Variants in WDR70 observed in about 807,000 individuals in gnomAD.
The protein encoded by WDR70 is WD repeat domain 70.
A neutral mutation model predicts 88.6 loss-of-function variants in WDR70; 53 were observed. That is an observed-to-expected ratio of 0.60 (90% CI 0.48 to 0.75). WDR70 has a LOEUF of 0.75. WDR70 is among the 30% of genes least tolerant of loss of function. The pLI is 0.00. For synonymous variants in WDR70, 280 were observed against 270.0 expected, an observed-to-expected ratio of 1.04 and a Z score of -0.36; for missense variants, 610 against 823.2, an observed-to-expected ratio of 0.74 and a Z score of 3.17.
intron 5 of WDR70, among the ~76,000 whole-genome samples, chr5:37,436,699 T>A (rs1262180675): frequency 6.6e-6 from 1 of 152,080 alleles, no homozygotes; most frequent in Non-Finnish European, 1.5e-5. Flanking sequence ...AGCCATAGTT[T>A]GAAAAAGCGG....
intron 9 of WDR70, among the ~76,000 whole-genome samples, chr5:37,560,008 G>C (rs1390508200): frequency 6.6e-6 from 1 of 151,932 alleles, no homozygotes; most frequent in Non-Finnish European, 1.5e-5. Flanking sequence ...TATTGATTAT[G>C]CTAATAACTT....
chr5:37,605,073 G>A lies in WDR70; in HGVS notation c.927G>A (p.Arg309=), dbSNP rs1170902550. 1 of 1,608,984 alleles carries A rather than the reference G, an allele frequency of 6.2e-7. No homozygotes were observed. The highest frequency in any genetic ancestry group is 1.7e-5 in the Admixed American group (1 of 59,702). ...TCCTGATCATTTTTAGGACTGTGAG[G>A]ACGTGGGAAGTTGAAAATCCAAAGA... ...FMTCSNDATV[R]TWEVENPKKQ... is the part of the protein sequence containing the mutation. Residue 309 remains arginine (R), a synonymous_variant, in exon 10 of 18, where the codon AGG becomes AGA. Coordinates refer to ENST00000265107, the MANE Select transcript of WDR70 (RefSeq NM_018034.4).
At chr5:37,399,198 A>C (rs1749122319) in intron 5 of WDR70, among the ~76,000 whole-genome samples, 1 of 152,204 alleles carries the variant, frequency 6.6e-6, no homozygotes. Context: ...GAATGGCGTG[A>C]ACCTGGGAGG....
At chr5:37,395,290 G>A (rs1198473994) in intron 4 of WDR70, among the ~76,000 whole-genome samples, 2 of 152,096 alleles carry the variant, frequency 1.3e-5, no homozygotes, top group Non-Finnish European at 2.9e-5. Context: ...AAACCACTTG[G>A]GAATCAGTAT....
At chr5:37,691,926 T>C (rs1746808228) in intron 10 of WDR70, among the ~76,000 whole-genome samples, 1 of 152,048 alleles carries the variant, frequency 6.6e-6, no homozygotes, top group Non-Finnish European at 1.5e-5. Flanking sequence ...AGCTGGTTTT[T>C]TGAAAAGATC....
chr5:37,578,577 G>A (rs12188314), intron 9 of WDR70, among the ~76,000 whole-genome samples: 87,393 of 151,948 alleles, frequency 0.58, 27,181 homozygotes, highest in Non-Finnish European at 0.69. Flanking sequence ...GAAAATCGAA[G>A]CAAATTTGTG....
At chr5:37,670,661 A>G (rs1746000245) in intron 10 of WDR70, among the ~76,000 whole-genome samples, 1 of 152,218 alleles carries the variant, frequency 6.6e-6, no homozygotes, top group African/African-American at 2.4e-5. Context: ...AATTGTGACT[A>G]CTTGTAAGTG....
At chr5:37,610,896 A>G (rs761233992) in intron 10 of WDR70, among the ~76,000 whole-genome samples, 9 of 152,234 alleles carry the variant, frequency 5.9e-5, no homozygotes, top group Non-Finnish European at 1.3e-4. Flanking sequence ...TATTCTGCAT[A>G]TAAAAATGAT....
chr5:37,743,601 C>A (rs186707923), intron 17 of WDR70, among the ~76,000 whole-genome samples: 1 of 152,212 alleles, frequency 6.6e-6, no homozygotes. Flanking sequence ...GAAGGCTAGA[C>A]GGCTTGGTCC....
At chr5:37,707,939 AAAAAAAAAAATATATATATATAT>A (rs1747390160) in intron 13 of WDR70, among the ~76,000 whole-genome samples, 2 of 35,518 alleles carry the variant, frequency 5.6e-5, no homozygotes, top group Non-Finnish European at 1.1e-4. Flanking sequence ...AAAAAAAAAA[AAAAAAAAAAATATATATATATAT>A]ATATATATAT....
intron 7 of WDR70, among the ~76,000 whole-genome samples, chr5:37,475,181 A>C (rs536969060): frequency 1.4e-5 from 2 of 147,330 alleles, no homozygotes; most frequent in Non-Finnish European, 3.0e-5. Context: ...TGGCCTCCCA[A>C]AATGCTGGGA....
chr5:37,498,346 A>G (rs1229266180), intron 8 of WDR70, among the ~76,000 whole-genome samples: 2 of 152,036 alleles, frequency 1.3e-5, no homozygotes, highest in African/African-American at 4.8e-5. Context: ...ACCTCACTGT[A>G]TGTTCCTTTT....
Position 37,703,076 on chromosome 5 carries a change from A to G in WDR70, c.1405A>G (p.Ile469Val). The G allele has an allele frequency of 6.2e-7, 1 of 1,610,558 alleles. No individual in the cohort carries two copies. Among genetic ancestry groups the G allele is most frequent in the East Asian group, 2.2e-5 (1 of 44,752 alleles). The stretch of plus-strand genomic sequence containing the variant: ...TTTCCAAAGGGTGTATGAAATAGAC[A>G]TCACAGATGCGGTACGTATATTCTT... ...RTFQRVYEID[I>V]TDASVVRCLW... The change falls in exon 13 of 18, where the codon ATC becomes GTC. Residue 469 changes from isoleucine to valine, a missense_variant. This residue lies in a region of WDR70 where 254 missense variants were observed against 300.7 expected (regional missense o/e 0.84). Coordinates refer to ENST00000265107, the MANE Select transcript of WDR70 (RefSeq NM_018034.4).
chr5:37,475,902 A>G (rs187989169), intron 7 of WDR70, among the ~76,000 whole-genome samples: 38 of 146,546 alleles, frequency 2.6e-4, no homozygotes, highest in African/African-American at 9.7e-4. Context: ...CTGGAGTGCA[A>G]TGGCGTGATC....
At chr5:37,402,990 A>G (rs906241889) in intron 5 of WDR70, among the ~76,000 whole-genome samples, 1 of 98,366 alleles carries the variant, frequency 1.0e-5, no homozygotes, top group African/African-American at 3.9e-5. Flanking sequence ...TCTGCCACCC[A>G]GCCTGGAGTG....
intron 7 of WDR70, among the ~76,000 whole-genome samples, chr5:37,466,602 A>G (rs1382378768): frequency 6.9e-6 from 1 of 144,082 alleles, no homozygotes; most frequent in Non-Finnish European, 1.5e-5. Context: ...GCTACTCAGG[A>G]GGCTGAGGCA....
At chr5:37,674,375 C>T (rs969643036) in intron 10 of WDR70, among the ~76,000 whole-genome samples, 3 of 151,958 alleles carry the variant, frequency 2.0e-5, no homozygotes, top group African/African-American at 4.8e-5. Flanking sequence ...TAATGCTATT[C>T]CCCCGCCTTC....
intron 10 of WDR70, among the ~76,000 whole-genome samples, chr5:37,606,159 C>T (rs992894904): frequency 6.6e-6 from 1 of 151,856 alleles, no homozygotes; most frequent in African/African-American, 2.4e-5. Context: ...GAAGGGGATC[C>T]CAGGAAACAC....
At chr5:37,565,289 TC>T (rs1164947293) in intron 9 of WDR70, among the ~76,000 whole-genome samples, 1 of 152,168 alleles carries the variant, frequency 6.6e-6, no homozygotes, top group African/African-American at 2.4e-5. Flanking sequence ...GAGATATTCT[TC>T]TGGATATGTA....
Sources: allele counts gnomAD v4.1 joint callset (sites outside exome capture counted in the v4.1 genomes callset), GRCh38; gene constraint gnomAD v4.1.1; regional missense constraint gnomAD v4.1.1; transcripts MANE v1.5; gene names NCBI Gene and HGNC (gene_info 2026-07-23, HGNC 2026-07-21).